Variants in KALRN observed in about 807,000 individuals in gnomAD.
KALRN encodes kalirin.
A neutral mutation model predicts 353.7 loss-of-function variants in KALRN; 70 were observed. The ratio of observed to expected loss-of-function variants is 0.20; its 90% CI spans 0.16 to 0.24. KALRN has a LOEUF of 0.24. KALRN is among the 10% of genes least tolerant of loss of function. The probability of loss-of-function intolerance (pLI) is 1.00; values close to 1 mark genes in which losing one functional copy is unlikely to be tolerated. For missense variants in KALRN, 2,791 were observed against 3,756.7 expected, an observed-to-expected ratio of 0.74 and a Z score of 6.72; for synonymous variants, 1,391 against 1,434.8, an observed-to-expected ratio of 0.97 and a Z score of 0.69.
intron 1 of KALRN, among the ~76,000 whole-genome samples, chr3:124,081,892 TAA>T (rs2060561311): frequency 6.6e-6 from 1 of 152,250 alleles, no homozygotes; most frequent in African/African-American, 2.4e-5. Context: ...GTTGTCTCTG[TAA>T]ACATGGTTAA....
chr3:124,345,843 A>G (rs2082203820), intron 9 of KALRN, among the ~76,000 whole-genome samples: 1 of 152,186 alleles, frequency 6.6e-6, no homozygotes, highest in Non-Finnish European at 1.5e-5. Flanking sequence ...CAGATATTAA[A>G]TATCCCAAAT....
chr3:124,403,723 C>T lies in KALRN; in HGVS notation c.2346+4852C>T, dbSNP rs114249439. On this transcript the variant is annotated intron_variant, in intron 13 of 59. Coordinates refer to ENST00000682506, the MANE Select transcript of KALRN (RefSeq NM_001388419.1). ...CATTTTATATTAGAAAGAGACCATT[C>T]GGTCAGCCTTTTACCTATATAGAAA... Among the ~76,000 whole-genome samples, 1,167 of 152,270 alleles carry T rather than the reference C, an allele frequency of 7.7e-3. 16 individuals are homozygous for T. Among genetic ancestry groups the T allele is most frequent in the African/African-American group, 0.026 (1,081 of 41,544 alleles).
At chr3:124,046,024 T>C (rs914999945) in intron 1 of KALRN, among the ~76,000 whole-genome samples, 2 of 152,330 alleles carry the variant, frequency 1.3e-5, no homozygotes, top group South Asian at 4.1e-4. Context: ...GGGGTACTGA[T>C]ATTGCTCTGC....
intron 1 of KALRN, among the ~76,000 whole-genome samples, chr3:124,143,964 GTC>G (rs1265428411): frequency 6.6e-6 from 1 of 152,188 alleles, no homozygotes; most frequent in East Asian, 1.9e-4. Context: ...TCTAAGGAGT[GTC>G]TCTTTTGGGG....
chr3:124,144,913 T>C (rs2067135953), intron 1 of KALRN, among the ~76,000 whole-genome samples: 1 of 152,132 alleles, frequency 6.6e-6, no homozygotes, highest in Admixed American at 6.5e-5. Flanking sequence ...AGATAGAGTG[T>C]TCTTACTCTG....
chr3:124,097,869 T>C (rs892745861), intron 1 of KALRN, among the ~76,000 whole-genome samples: 11 of 152,220 alleles, frequency 7.2e-5, no homozygotes, highest in African/African-American at 2.4e-4. Flanking sequence ...GCTGTTTTTG[T>C]GGTGTTTGTT....
chr3:124,138,970 G>A (rs140235603), intron 1 of KALRN, among the ~76,000 whole-genome samples: 85 of 152,320 alleles, frequency 5.6e-4, no homozygotes, highest in African/African-American at 1.9e-3. Context: ...TAATACAGAT[G>A]TGAGGCCACA....
chr3:124,661,652 C>T (rs1276874030), intron 44 of KALRN, among the ~76,000 whole-genome samples, 199 bp from the exon 45 acceptor site: 1 of 152,170 alleles, frequency 6.6e-6, no homozygotes, highest in Non-Finnish European at 1.5e-5. Flanking sequence ...GACATGGAGC[C>T]CCTGTGCTGA....
intron 3 of KALRN, among the ~76,000 whole-genome samples, chr3:124,237,366 CTTTT>C (rs551869197): frequency 1.5e-4 from 20 of 135,642 alleles, no homozygotes; most frequent in African/African-American, 4.2e-4. Context: ...TCATTTGATG[CTTTT>C]TTTTTTTTTT....
intron 5 of KALRN, among the ~76,000 whole-genome samples, chr3:124,275,507 T>A (rs1159720443): frequency 6.6e-6 from 1 of 152,218 alleles, no homozygotes; most frequent in East Asian, 1.9e-4. Flanking sequence ...TGTTTGTTTG[T>A]TTGCTTAAAA....
At chr3:124,292,538 G>A (rs1266288871) in intron 5 of KALRN, among the ~76,000 whole-genome samples, 1 of 152,138 alleles carries the variant, frequency 6.6e-6, no homozygotes, top group African/African-American at 2.4e-5. Flanking sequence ...AGTGCCCTCA[G>A]GCAGAGCCCT....
chr3:124,516,105 T>TAA (rs1343203032), intron 33 of KALRN, among the ~76,000 whole-genome samples: 2 of 152,216 alleles, frequency 1.3e-5, no homozygotes, highest in African/African-American at 4.8e-5. Flanking sequence ...TGGATATATA[T>TAA]AATGAAGTGA....
intron 5 of KALRN, among the ~76,000 whole-genome samples, chr3:124,274,653 A>G (rs2074508298): frequency 6.6e-6 from 1 of 152,222 alleles, no homozygotes; most frequent in South Asian, 2.1e-4. Flanking sequence ...GTGTAAATGC[A>G]TGGTTGGGAA....
At chr3:124,443,420 G>T (rs1415676454) in intron 19 of KALRN, among the ~76,000 whole-genome samples, 1 of 152,174 alleles carries the variant, frequency 6.6e-6, no homozygotes, top group African/African-American at 2.4e-5. Context: ...TTCCCTCTTT[G>T]CTCAGATAGC....
intron 37 of KALRN, among the ~76,000 whole-genome samples, chr3:124,647,336 C>T (rs967751924): frequency 6.6e-6 from 1 of 152,184 alleles, no homozygotes; most frequent in African/African-American, 2.4e-5. Context: ...TCACAAAACA[C>T]ACAGTTACTT....
intron 3 of KALRN, among the ~76,000 whole-genome samples, chr3:124,263,244 A>T (rs987720596): frequency 2.0e-5 from 3 of 151,764 alleles, no homozygotes; most frequent in African/African-American, 7.3e-5. Context: ...TTCAAGAGTC[A>T]CTCCTCCCCC....
At chr3:124,087,143 A>G (rs970820655) in intron 1 of KALRN, among the ~76,000 whole-genome samples, 5 of 152,134 alleles carry the variant, frequency 3.3e-5, no homozygotes, top group Admixed American at 6.5e-5. Context: ...TTTTTTTACC[A>G]TGAGTCTAAA....
At chr3:124,103,836 G>T (rs1013093717) in intron 1 of KALRN, among the ~76,000 whole-genome samples, 1 of 152,116 alleles carries the variant, frequency 6.6e-6, no homozygotes, top group Non-Finnish European at 1.5e-5. Context: ...TACAACTATA[G>T]TCCCAGCTAC....
chr3:124,379,227 AT>A (rs1322909917), intron 10 of KALRN, among the ~76,000 whole-genome samples: 3 of 152,100 alleles, frequency 2.0e-5, no homozygotes, highest in African/African-American at 7.2e-5. Flanking sequence ...AGTACAAGGG[AT>A]TTTTTAAAAA....
Sources: allele counts gnomAD v4.1 joint callset (sites outside exome capture counted in the v4.1 genomes callset), GRCh38; gene constraint gnomAD v4.1.1; transcripts MANE v1.5; gene names NCBI Gene and HGNC (gene_info 2026-07-23, HGNC 2026-07-21).